Variants in BLTP1 observed in about 807,000 individuals in gnomAD.
BLTP1 encodes fragile site-associated protein.
the BLTP1 span, chr4:122,325,756 A>G: frequency 1.3e-5 from 10 of 798,652 alleles, no homozygotes; most frequent in Non-Finnish European, 1.6e-5. Flanking sequence ...TAAACATTAT[A>G]TTAAAATGTT....
At chr4:122,352,646 C>T in the BLTP1 span, among the ~76,000 whole-genome samples, 1 of 152,178 alleles carries the variant, frequency 6.6e-6, no homozygotes, top group Admixed American at 6.5e-5. Flanking sequence ...AGGCGTGAGC[C>T]ACAGCACCCA....
chr4:122,237,596 C>A, the BLTP1 span: 1 of 651,976 alleles, frequency 1.5e-6, no homozygotes, highest in Non-Finnish European at 1.9e-6. Context: ...GAAAATTTTC[C>A]AATAAAAGAT....
chr4:122,233,638 T>C, the BLTP1 span, among the ~76,000 whole-genome samples: 5 of 152,238 alleles, frequency 3.3e-5, no homozygotes, highest in African/African-American at 1.2e-4. Context: ...CTCCCTCATC[T>C]TAAGGCCTGC....
At chr4:122,222,756 A>G in the BLTP1 span, among the ~76,000 whole-genome samples, 25 of 152,112 alleles carry the variant, frequency 1.6e-4, no homozygotes, top group Non-Finnish European at 2.9e-4. Flanking sequence ...CCCACCATCA[A>G]TGTAACCTTA....
chr4:122,174,139 C>T, the BLTP1 span: 5 of 939,374 alleles, frequency 5.3e-6, no homozygotes, highest in East Asian at 1.2e-4. Flanking sequence ...ACCATTCTAA[C>T]CTGCCTTATA....
At chr4:122,179,304 C>G in the BLTP1 span, among the ~76,000 whole-genome samples, 2 of 151,996 alleles carry the variant, frequency 1.3e-5, no homozygotes, top group Non-Finnish European at 2.9e-5. Flanking sequence ...TAGATAAATG[C>G]ACTGCTTGGT....
the BLTP1 span, among the ~76,000 whole-genome samples, chr4:122,293,435 C>A: frequency 6.6e-6 from 1 of 152,124 alleles, no homozygotes; most frequent in South Asian, 2.1e-4. Flanking sequence ...AGGGAGCCCC[C>A]ACCCCCAGGC....
the BLTP1 span, chr4:122,275,916 A>G: frequency 6.9e-7 from 1 of 1,455,304 alleles, no homozygotes; most frequent in Non-Finnish European, 9.0e-7. Flanking sequence ...TTTGTGCATG[A>G]ATGTTTATTT....
the BLTP1 span, chr4:122,344,383 G>T: frequency 6.2e-7 from 1 of 1,613,446 alleles, no homozygotes; most frequent in Non-Finnish European, 8.5e-7. Context: ...GTTTTAAAGG[G>T]AATGTGGATG....
chr4:122,322,101 A>G, the BLTP1 span, among the ~76,000 whole-genome samples: 1 of 142,440 alleles, frequency 7.0e-6, no homozygotes, highest in East Asian at 2.1e-4. Flanking sequence ...CTCAGTCATT[A>G]TTGGTTCAGA....
chr4:122,264,510 T>A, the BLTP1 span: 5 of 1,292,722 alleles, frequency 3.9e-6, no homozygotes, highest in South Asian at 9.3e-5. Flanking sequence ...AGTACGCACC[T>A]TGGAATTCTA....
chr4:122,352,362 T>C, the BLTP1 span, among the ~76,000 whole-genome samples: 4 of 146,500 alleles, frequency 2.7e-5, no homozygotes, highest in Non-Finnish European at 4.5e-5. Flanking sequence ...TTTCTTTTTT[T>C]TTTTTTTTTT....
chr4:122,272,296 G>T, the BLTP1 span: 18 of 1,613,272 alleles, frequency 1.1e-5, no homozygotes, highest in Middle Eastern at 4.9e-4. Context: ...TAGTGTTTGG[G>T]ATTGGCATGG....
chr4:122,316,534 C>T, the BLTP1 span: 1 of 624,396 alleles, frequency 1.6e-6, no homozygotes, highest in South Asian at 1.5e-5. Context: ...ATGCAGAGCA[C>T]ACTCATGGGG....
the BLTP1 span, chr4:122,328,765 T>TA: frequency 1.0e-6 from 1 of 982,906 alleles, no homozygotes; most frequent in Non-Finnish European, 1.2e-6. Context: ...ATGAAAGACT[T>TA]AAGCAAATTC....
At chr4:122,339,159 T>TA in the BLTP1 span, 1 of 1,562,094 alleles carries the variant, frequency 6.4e-7, no homozygotes. Context: ...ATTTAAAACT[T>TA]TTCTTTTATC....
chr4:122,186,435 A>C, the BLTP1 span, among the ~76,000 whole-genome samples: 1 of 151,986 alleles, frequency 6.6e-6, no homozygotes, highest in Non-Finnish European at 1.5e-5. Context: ...TCCCTTGCAC[A>C]CAAATCCTAC....
At chr4:122,223,872 A>G in the BLTP1 span, 5 of 418,830 alleles carry the variant, frequency 1.2e-5, no homozygotes, top group South Asian at 5.0e-4. Context: ...TTGATTCTTT[A>G]TTCTTAATAA....
chr4:122,204,109 A>T, the BLTP1 span, among the ~76,000 whole-genome samples: 3 of 151,912 alleles, frequency 2.0e-5, no homozygotes, highest in East Asian at 5.8e-4. Context: ...ACTTATGGGC[A>T]TTTCTTGTTT....
Sources: allele counts gnomAD v4.1 joint callset (sites outside exome capture counted in the v4.1 genomes callset), GRCh38; gene constraint gnomAD v4.1.1; transcripts MANE v1.5; gene names NCBI Gene and HGNC (gene_info 2026-07-23, HGNC 2026-07-21).